Variants in TOM1L2 observed in about 807,000 individuals in gnomAD.
The protein encoded by TOM1L2 is target of myb1 like 2 membrane trafficking protein.
TOM1L2 carries 31 observed loss-of-function variants against 67.9 expected under a neutral mutation model. The ratio of observed to expected loss-of-function variants is 0.46; its 90% confidence interval spans 0.34 to 0.62. The LOEUF is 0.62. TOM1L2 is among the 20% of genes least tolerant of loss of function. TOM1L2 has a pLI of 0.01. For synonymous variants in TOM1L2, 256 were observed against 254.0 expected, an observed-to-expected ratio of 1.01 and a Z score of -0.07; for missense variants, 606 against 663.5, an observed-to-expected ratio of 0.91 and a Z score of 0.95.
At chr17:17,958,180 C>T (rs2041541743) in intron 1 of TOM1L2, among the ~76,000 whole-genome samples, 1 of 152,162 alleles carries the variant, frequency 6.6e-6, no homozygotes, top group Admixed American at 6.5e-5. Flanking sequence ...GCTTGTTCAA[C>T]CTCTGTTCTT....
At chr17:17,955,459 C>A (rs2041397918) in intron 1 of TOM1L2, among the ~76,000 whole-genome samples, 2 of 150,902 alleles carry the variant, frequency 1.3e-5, no homozygotes, top group African/African-American at 2.4e-5. Context: ...CAGCCTCCAT[C>A]TCCCACGTAG....
intron 10 of TOM1L2, among the ~76,000 whole-genome samples, chr17:17,864,605 G>A (rs999489025): frequency 1.3e-5 from 2 of 150,264 alleles, no homozygotes; most frequent in South Asian, 2.2e-4. Flanking sequence ...TCCGCCTCCC[G>A]GGTTCAAGCG....
At chr17:17,867,924 A>G (rs571149803) in intron 8 of TOM1L2, among the ~76,000 whole-genome samples, 1 of 152,360 alleles carries the variant, frequency 6.6e-6, no homozygotes, top group South Asian at 2.1e-4. Flanking sequence ...TCCCACACTC[A>G]TCTTCAATGA....
intron 1 of TOM1L2, among the ~76,000 whole-genome samples, chr17:17,929,698 T>C (rs1023866566): frequency 2.0e-5 from 3 of 152,200 alleles, no homozygotes; most frequent in Non-Finnish European, 4.4e-5. Context: ...AGTAGTTAAC[T>C]TTTTGGATAA....
rs1315595947 is a variant in TOM1L2 at position 17,866,910 on chromosome 17, C to T, written c.926G>A (p.Arg309Lys). Residue 309 changes from arginine (R) to lysine (K), a missense_variant, in exon 9 of 15, where the codon AGG (arginine) becomes AAG (lysine). By Grantham distance (26) the Arg-to-Lys change is conservative. Around this residue, in one of 2 missense-constraint regions of TOM1L2, gnomAD observed 543 missense variants for 554.0 expected, o/e 0.98. Coordinates refer to ENST00000379504, the MANE Select transcript of TOM1L2 (RefSeq NM_001082968.2). Reference sequence around the variant, plus strand: ...GGCATTTTGAACGGATCGGCCAGACCTGTATCGTTCGAACCTAACAGGGGA... The same window carrying T: ...GGCATTTTGAACGGATCGGCCAGACTTGTATCGTTCGAACCTAACAGGGGA... ...FLRYERFERY[R>K]SGRSVQNASN... The T allele has an allele frequency of 1.2e-6, 2 of 1,613,918 alleles. No homozygotes were observed. Among genetic ancestry groups the T allele is most frequent in the African/African-American group, 2.7e-5 (2 of 74,906 alleles).
At chr17:17,922,156 C>G (rs1309386509) in intron 1 of TOM1L2, among the ~76,000 whole-genome samples, 1 of 152,184 alleles carries the variant, frequency 6.6e-6, no homozygotes, top group African/African-American at 2.4e-5. Context: ...GCCAGCCATC[C>G]AGGACACAGG....
rs150875750 is a variant in TOM1L2, at chr17:17,933,842, T to C, written c.53-26311A>G. 1.9e-4 allele frequency among the ~76,000 whole-genome samples: 29 copies of C among 152,332 alleles called. No homozygotes were observed. In the East Asian group the frequency reaches 3.9e-3, roughly 20 times the overall value. The stretch of plus-strand genomic sequence containing the variant: ...GTGAAAAAGTATTGGCTTATTTTTT[T>C]AATCAAATCCATCCTTCAAAAGATG... On this transcript the variant is annotated intron_variant, in intron 1 of 14. Coordinates refer to ENST00000379504, the MANE Select transcript of TOM1L2 (RefSeq NM_001082968.2).
chr17:17,866,768 C>A (rs2036869270), intron 9 of TOM1L2, 108 bp downstream of exon 9: 2 of 1,172,068 alleles, frequency 1.7e-6, no homozygotes, highest in Non-Finnish European at 2.5e-6. Flanking sequence ...CTTCAATTTC[C>A]CAAATATTTC....
intron 1 of TOM1L2, among the ~76,000 whole-genome samples, chr17:17,926,109 C>T (rs12452219): frequency 0.55 from 82,339 of 150,300 alleles, 24,740 homozygotes; most frequent in East Asian, 0.94. Context: ...ATGTCGAGGC[C>T]GCAGTGAGTT....
chr17:17,866,442 A>G, intron 9 of TOM1L2, 23 bp from the exon 10 acceptor site: 1 of 1,576,358 alleles, frequency 6.3e-7, no homozygotes, highest in Non-Finnish European at 8.6e-7. Flanking sequence ...GAGATTGGCC[A>G]TAAGCCCCAG....
chr17:17,850,357 A>G (rs754690089), intron 13 of TOM1L2, among the ~76,000 whole-genome samples: 2 of 152,104 alleles, frequency 1.3e-5, no homozygotes, highest in African/African-American at 4.8e-5. Context: ...TTCTAGCCCT[A>G]TCTCTGAGGA....
intron 13 of TOM1L2, 34 bp downstream of exon 13, chr17:17,850,859 A>C: frequency 6.2e-7 from 1 of 1,612,242 alleles, no homozygotes; most frequent in African/African-American, 1.3e-5. Context: ...GCCGCTCCAC[A>C]CCCCACAGAT....
chr17:17,860,239 G>A (rs2036481010), intron 12 of TOM1L2, among the ~76,000 whole-genome samples: 1 of 152,270 alleles, frequency 6.6e-6, no homozygotes, highest in Non-Finnish European at 1.5e-5. Flanking sequence ...CGCTGGGGCA[G>A]GTGGGAGGAC....
intron 6 of TOM1L2, among the ~76,000 whole-genome samples, chr17:17,881,317 T>G (rs1366510120): frequency 1.3e-5 from 2 of 152,166 alleles, no homozygotes; most frequent in Non-Finnish European, 2.9e-5. Flanking sequence ...TTGGCCAGGC[T>G]GGGTGCTGAC....
chr17:17,972,364 C>A lies in TOM1L2; in HGVS notation c.-51G>T. 6.5e-7 allele frequency: 1 copy of A among 1,547,816 alleles called. No homozygotes were observed. The highest frequency in any genetic ancestry group is 8.7e-7 in the Non-Finnish European group (1 of 1,146,158). On this transcript the variant is annotated 5_prime_UTR_variant, in exon 1 of 15. In the 5' UTR this introduces an upstream ATG that the reference lacks. Transcript: ENST00000379504. Reference sequence around the variant, plus strand: ...CGGGCCCCCTGTCTGCCACCTAGGCCTCCGCTGTAACCCGCCGGACTCCCG... The same window carrying A: ...CGGGCCCCCTGTCTGCCACCTAGGCATCCGCTGTAACCCGCCGGACTCCCG...
intron 7 of TOM1L2, among the ~76,000 whole-genome samples, chr17:17,879,153 C>T (rs2144005339): frequency 6.6e-6 from 1 of 152,346 alleles, no homozygotes; most frequent in South Asian, 2.1e-4. Context: ...TGAGGTGCCA[C>T]TACAAGGGCT....
At chr17:17,878,025 C>A (rs1409977098) in intron 7 of TOM1L2, among the ~76,000 whole-genome samples, 1 of 152,206 alleles carries the variant, frequency 6.6e-6, no homozygotes, top group East Asian at 1.9e-4. Context: ...AGAGCAAATC[C>A]CCCCTGTCAG....
At chr17:17,866,184 G>A in intron 10 of TOM1L2, 112 bp downstream of exon 10, 1 of 1,310,130 alleles carries the variant, frequency 7.6e-7, no homozygotes, top group Non-Finnish European at 1.0e-6. Flanking sequence ...ACTTTCACAT[G>A]TATTTCCCAA....
At chr17:17,902,283 C>T (rs1165147711) in intron 2 of TOM1L2, among the ~76,000 whole-genome samples, 1 of 152,228 alleles carries the variant, frequency 6.6e-6, no homozygotes, top group Non-Finnish European at 1.5e-5. Context: ...CAGCATTCCT[C>T]AGGCTGATGG....
Sources: allele counts gnomAD v4.1 joint callset (sites outside exome capture counted in the v4.1 genomes callset), GRCh38; gene constraint gnomAD v4.1.1; regional missense constraint gnomAD v4.1.1; transcripts MANE v1.5; gene names NCBI Gene and HGNC (gene_info 2026-07-23, HGNC 2026-07-21).